CAMSAP2: variants seen among roughly 807,000 people sequenced by gnomAD.
CAMSAP2 encodes calmodulin-regulated spectrin-associated protein 2.
Under a neutral mutation model 146.1 loss-of-function variants are expected in CAMSAP2, and 26 were observed. That is an observed-to-expected ratio of 0.18 (90% CI 0.13 to 0.25). The LOEUF (loss-of-function observed/expected upper bound fraction) is 0.25, where lower values mean the gene tolerates loss of function less well. CAMSAP2 is among the 10% of genes least tolerant of loss of function. The probability of loss-of-function intolerance (pLI) is 1.00; values close to 1 mark genes in which losing one functional copy is unlikely to be tolerated. For missense variants in CAMSAP2, 1,381 were observed against 1,759.3 expected, an observed-to-expected ratio of 0.78 and a Z score of 3.85; for synonymous variants, 499 against 596.6, an observed-to-expected ratio of 0.84 and a Z score of 2.38.
Position 200,852,651 on chromosome 1 carries a change from A to T in CAMSAP2, c.3576A>T (p.Glu1192Asp). 6.2e-7 allele frequency: 1 copy of T among 1,613,690 alleles called. No homozygotes were observed. The highest frequency in any genetic ancestry group is 1.1e-5 in the South Asian group (1 of 91,012). ...TQLRKQQLEA[E>D]MEHKKEETRR... Reference sequence around the variant, plus strand: ...TCCGGAAACAACAGTTGGAAGCAGAAATGGAGCATAAGAAGGAGGAAACAA... The same window carrying T: ...TCCGGAAACAACAGTTGGAAGCAGATATGGAGCATAAGAAGGAGGAAACAA... The change falls in exon 12 of 17, where the codon GAA (glutamate) becomes GAT (aspartate). Residue 1192 changes from glutamate to aspartate, a missense_variant. Glu to Asp is a conservative substitution (Grantham distance 45). Around this residue, in one of 4 missense-constraint regions of CAMSAP2, gnomAD observed 560 missense variants for 715.9 expected, o/e 0.78. Coordinates refer to ENST00000358823, the MANE Select transcript of CAMSAP2 (RefSeq NM_203459.4).
intron 2 of CAMSAP2, among the ~76,000 whole-genome samples, chr1:200,765,365 GTAA>G (rs567848793): frequency 2.8e-3 from 427 of 152,004 alleles, no homozygotes; most frequent in African/African-American, 9.5e-3. Context: ...GAGTAGCTGG[GTAA>G]ATTACAGGTG....
chr1:200,854,445 G>A (rs1667699842), intron 13 of CAMSAP2, among the ~76,000 whole-genome samples: 3 of 152,034 alleles, frequency 2.0e-5, no homozygotes, highest in Non-Finnish European at 4.4e-5. Context: ...AGAGAACTCT[G>A]TTTTCAAGCC....
chr1:200,779,523 C>T (rs1170421523), intron 2 of CAMSAP2, among the ~76,000 whole-genome samples: 1 of 152,082 alleles, frequency 6.6e-6, no homozygotes, highest in Non-Finnish European at 1.5e-5. Context: ...ATTTGGGAAT[C>T]AGCTGAGAGT....
At chr1:200,760,710 G>A (rs998275985) in intron 1 of CAMSAP2, 129 bp from the exon 2 acceptor site, 41 of 634,546 alleles carry the variant, frequency 6.5e-5, no homozygotes, top group Non-Finnish European at 2.8e-5. Context: ...CATCTTTTCA[G>A]TTAAAGGGTT....
intron 2 of CAMSAP2, among the ~76,000 whole-genome samples, chr1:200,797,132 C>T (rs1268138929): frequency 1.1e-4 from 17 of 151,996 alleles, no homozygotes; most frequent in African/African-American, 2.7e-4. Flanking sequence ...AATAAACATA[C>T]GTGTGCATGT....
Position 200,832,746 on chromosome 1 carries a change from G to A in CAMSAP2, c.828G>A (p.Leu276=). The A allele has an allele frequency of 6.2e-7, 1 of 1,611,190 alleles. No individual in the cohort carries two copies. Among genetic ancestry groups the A allele is most frequent in the Admixed American group, 1.7e-5 (1 of 59,742 alleles). ...AAACTATGTCTTTGGCTGATAGCCT[G>A]TATAATCTGCAGCTGATTCAAGAAT... ...LKETMSLADS[L]YNLQLIQEFC... The change falls in exon 6 of 17, where the codon CTG becomes CTA. Residue 276 remains leucine, a synonymous_variant. Coordinates refer to ENST00000358823, the MANE Select transcript of CAMSAP2 (RefSeq NM_203459.4). This position sits in a 1 kb window ranked among gnomAD's most constrained non-coding sequence, Gnocchi z 4.2.
At chr1:200,761,212 A>G in intron 2 of CAMSAP2, 114 bp downstream of exon 2, 1 of 1,033,678 alleles carries the variant, frequency 9.7e-7, no homozygotes. Context: ...ATTTTTGCCT[A>G]GAGTTTACAA....
rs1666458087 is a variant in CAMSAP2, at chr1:200,815,541, T to C, written c.562-20T>C. ...TCAAAAAAAGAATAAAAATTCAAAC[T>C]GATATTTTTATATTTTAAGGTAAAT... On this transcript the variant is annotated intron_variant, in intron 3 of 16. Transcript: ENST00000358823. 1.6e-6 allele frequency: 2 copies of C among 1,270,140 alleles called. No homozygotes were observed. The highest frequency in any genetic ancestry group is 1.5e-5 in the African/African-American group (1 of 64,716). 78.7% of individuals were successfully genotyped at this position (1,270,140 alleles called of 1,614,324 possible).
chr1:200,739,818 G>A lies in CAMSAP2; in HGVS notation c.-10G>A, dbSNP rs748410762. 2 of 1,605,484 alleles carry A rather than the reference G, an allele frequency of 1.2e-6. No homozygotes were observed. The highest frequency in any genetic ancestry group is 1.3e-5 in the African/African-American group (1 of 74,768). On this transcript the variant is annotated 5_prime_UTR_variant, in exon 1 of 17. Transcript: ENST00000358823. This position sits in a 1 kb window ranked among gnomAD's most constrained non-coding sequence, Gnocchi z 4.8. Reference sequence around the variant, plus strand: ...TAGGGCCGGGACATCCCGAGGAGCCGCGGTGAAAGATGGGGGATGCTGCAG... The same window carrying A: ...TAGGGCCGGGACATCCCGAGGAGCCACGGTGAAAGATGGGGGATGCTGCAG...
Position 200,846,002 on chromosome 1 carries a change from C to T in CAMSAP2, c.1109+1133C>T, listed in dbSNP as rs572715997. ...AGCTTTTTATTTGAATCTATTAGAA[C>T]CTACAATTTATATTGACTTTGGACT... On this transcript the variant is annotated intron_variant, in intron 8 of 16. Transcript: ENST00000358823. 2.6e-5 allele frequency among the ~76,000 whole-genome samples: 4 copies of T among 152,236 alleles called. No individual in the cohort carries two copies. In the East Asian group the frequency reaches 7.7e-4, roughly 29 times the overall value.
In CAMSAP2 at chr1:200,760,954, G is replaced by A. The variant is rs1664782313; in HGVS notation, c.255G>A (p.Gly85=). ...LLSAELYCRA[G]SLILKSDAAK... ...CGGCTGAACTATACTGTCGTGCTGG[G>A]AGTCTCATTCTCAAGAGTGATGCTG... The change falls in exon 2 of 17, where the codon GGG becomes GGA. Residue 85 remains glycine (G), a synonymous_variant. Coordinates refer to ENST00000358823, the MANE Select transcript of CAMSAP2 (RefSeq NM_203459.4). The A allele has an allele frequency of 6.2e-7, 1 of 1,614,124 alleles. No individual in the cohort carries two copies. The highest frequency in any genetic ancestry group is 1.3e-5 in the African/African-American group (1 of 75,024).
At chr1:200,773,249 T>TTATA (rs1665167520) in intron 2 of CAMSAP2, among the ~76,000 whole-genome samples, 1 of 152,008 alleles carries the variant, frequency 6.6e-6, no homozygotes, top group Non-Finnish European at 1.5e-5. Flanking sequence ...CATTTTTTAT[T>TTATA]TTTATTTATT....
intron 2 of CAMSAP2, among the ~76,000 whole-genome samples, chr1:200,786,383 C>CTT (rs774638509): frequency 1.4e-5 from 2 of 143,376 alleles, no homozygotes. Context: ...AAATTGCTTT[C>CTT]TTTTTTTTTT....
At chr1:200,833,927 A>C (rs1327658239) in intron 6 of CAMSAP2, among the ~76,000 whole-genome samples, 4 of 152,166 alleles carry the variant, frequency 2.6e-5, no homozygotes, top group African/African-American at 9.7e-5. Flanking sequence ...GACTGTTTGA[A>C]ATTTGTCACG....
At chr1:200,827,312 G>T (rs1666930126) in intron 4 of CAMSAP2, among the ~76,000 whole-genome samples, 1 of 152,160 alleles carries the variant, frequency 6.6e-6, no homozygotes, top group Non-Finnish European at 1.5e-5. Flanking sequence ...CTGCTGTTAG[G>T]AATAGTCCAC....
intron 2 of CAMSAP2, among the ~76,000 whole-genome samples, chr1:200,762,220 TTAAAG>T (rs1664822093): frequency 6.6e-6 from 1 of 152,232 alleles, no homozygotes; most frequent in Non-Finnish European, 1.5e-5. Context: ...TTTTCCTTCT[TTAAAG>T]TAACTCTTTT....
intron 2 of CAMSAP2, among the ~76,000 whole-genome samples, chr1:200,770,454 C>G (rs1234904329): frequency 1.3e-5 from 2 of 150,336 alleles, no homozygotes; most frequent in African/African-American, 4.9e-5. Flanking sequence ...GTCTCTGTCT[C>G]CCAAGCTGGA....
intron 3 of CAMSAP2, among the ~76,000 whole-genome samples, chr1:200,808,193 G>A (rs568515280): frequency 1.3e-5 from 2 of 152,252 alleles, no homozygotes; most frequent in African/African-American, 4.8e-5. Flanking sequence ...TACATTTCCA[G>A]TTAGGGGATT....
intron 1 of CAMSAP2, among the ~76,000 whole-genome samples, chr1:200,743,798 G>A (rs1664243267): frequency 6.6e-6 from 1 of 152,022 alleles, no homozygotes; most frequent in Non-Finnish European, 1.5e-5. Context: ...AAAATTAGCT[G>A]GGCATGGTGG....
Sources: gnomAD v4.1 joint callset for allele counts (sites outside exome capture counted in the v4.1 genomes callset) on GRCh38, gnomAD v4.1.1 for gene constraint, gnomAD v4.1.1 regional missense constraint, Gnocchi (gnomAD v3.1) non-coding constraint, MANE v1.5 for transcripts, NCBI Gene and HGNC (gene_info 2026-07-23, HGNC 2026-07-21) for gene names.